The following PTPRQ variants were observed in gnomAD, a reference collection of about 807,000 sequenced individuals.
PTPRQ encodes the protein protein tyrosine phosphatase receptor type Q, also known as phosphatidylinositol phosphatase PTPRQ.
Under a neutral mutation model 246.0 loss-of-function variants are expected in PTPRQ, and 199 were observed. That is an observed-to-expected ratio of 0.81 (90% confidence interval 0.72 to 0.91). The LOEUF is 0.91. Ranked by LOEUF, PTPRQ falls within the 40% of genes least tolerant of loss-of-function variation. The pLI, the probability that PTPRQ is intolerant of heterozygous loss-of-function variation, is 0.00. For synonymous variants in PTPRQ, 869 were observed against 853.2 expected (o/e 1.02, Z -0.32); for missense variants, 2,624 against 2,528.4 (o/e 1.04, Z -0.81).
chr12:80,575,252 T>C (rs1330196103), intron 25 of PTPRQ, among the ~76,000 whole-genome samples: 2 of 152,102 alleles, frequency 1.3e-5, no homozygotes, highest in Non-Finnish European at 2.9e-5. Context: ...ATTGCAATAA[T>C]ATATATGGCT....
intron 25 of PTPRQ, among the ~76,000 whole-genome samples, chr12:80,565,980 G>T (rs1361039116): frequency 6.6e-6 from 1 of 152,068 alleles, no homozygotes; most frequent in African/African-American, 2.4e-5. Context: ...GCATTTTTTA[G>T]TATATTAATA....
Position 80,605,136 on chromosome 12 carries a change from G to A in PTPRQ, c.4687G>A (p.Ala1563Thr). The A allele has an allele frequency of 6.5e-7, 1 of 1,545,650 alleles. No homozygotes were observed. Among genetic ancestry groups the A allele is most frequent in the East Asian group, 2.5e-5 (1 of 40,696 alleles). Residue 1563 changes from alanine to threonine, a missense_variant, in exon 27 of 45, where the codon GCT (alanine) becomes ACT (threonine). By Grantham distance (58) the Ala-to-Thr change is moderately conservative (BLOSUM62 0). Coordinates refer to ENST00000644991, the MANE Select transcript of PTPRQ (RefSeq NM_001145026.2). ...FSISISWSEP[A>T]VITGPTCYLI... is the part of the protein sequence containing the mutation. ...CATCAGCATAAGCTGGAGTGAACCT[G>A]CTGTCATTACTGGACCAACATGTTA... is the stretch of plus-strand genomic sequence containing the variant.
Position 80,669,021 on chromosome 12 carries a change from A to AG in PTPRQ, c.6207_6208insG (p.Asn2070GlufsTer2), listed in dbSNP as rs1565850908. The AG allele has an allele frequency of 1.3e-5, 20 of 1,549,858 alleles. No homozygotes were observed. The highest frequency in any genetic ancestry group is 1.7e-5 in the Non-Finnish European group (20 of 1,145,762). Reference sequence around the variant, plus strand: ...TATCCTTCTAGGGTTATTTATGTCCAAATGAATTTATTGCTACTCAAGGTC... The same window carrying AG: ...TATCCTTCTAGGGTTATTTATGTCCAGAATGAATTTATTGCTACTCAAGGTC... On this transcript the variant is annotated frameshift_variant, in exon 40 of 45. Coordinates refer to ENST00000644991, the MANE Select transcript of PTPRQ (RefSeq NM_001145026.2). LOFTEE classifies it high-confidence loss of function.
Position 80,581,310 on chromosome 12 carries a change from T to C in PTPRQ, c.4286-6819T>C, listed in dbSNP as rs975738360. 4.0e-4 allele frequency among the ~76,000 whole-genome samples: 60 copies of C among 151,766 alleles called. 1 individual carries two copies. Among genetic ancestry groups the C allele is most frequent in the African/African-American group, 1.3e-3 (54 of 41,250 alleles). Reference sequence around the variant, plus strand: ...TGATTCTTATGAGGAAAGAGTAGAGTGTAAGATTTTAATGAAAACAAAAGT... The same window carrying C: ...TGATTCTTATGAGGAAAGAGTAGAGCGTAAGATTTTAATGAAAACAAAAGT... On this transcript the variant is annotated intron_variant, in intron 25 of 44. Coordinates refer to ENST00000644991, the MANE Select transcript of PTPRQ (RefSeq NM_001145026.2).
chr12:80,462,922 CAG>C (rs550621915), intron 6 of PTPRQ: 26,057 of 112,766 alleles, frequency 0.23, 1,459 homozygotes, highest in Non-Finnish European at 0.32. Flanking sequence ...GGGGAAAAAA[CAG>C]AGCAGAAAAA....
In PTPRQ at chr12:80,459,360, G is replaced by T. The variant is rs959348312; in HGVS notation, c.537G>T (p.Arg179=). The T allele has an allele frequency of 7.5e-6, 3 of 398,382 alleles. No homozygotes were observed. 24.7% of individuals were successfully genotyped at this position (398,382 alleles called of 1,614,324 possible). ...TTAAGCTGATTTGGTATTTACCTCG[G>T]CAACCAAATGGCAAAATTACCAGCT... The part of the protein sequence containing the change: ...SAVKLIWYLP[R]QPNGKITSFK... The change falls in exon 5 of 45, where the codon CGG becomes CGT. Residue 179 remains arginine (R), a synonymous_variant. Coordinates refer to ENST00000644991, the MANE Select transcript of PTPRQ (RefSeq NM_001145026.2).
intron 17 of PTPRQ, among the ~76,000 whole-genome samples, chr12:80,519,714 A>G (rs751829815): frequency 2.0e-5 from 3 of 152,178 alleles, no homozygotes; most frequent in Non-Finnish European, 4.4e-5. Flanking sequence ...CTTCACATTT[A>G]AATGTATTAC....
intron 6 of PTPRQ, chr12:80,462,926 G>A (rs1006083619): frequency 2.6e-4 from 29 of 111,428 alleles, no homozygotes; most frequent in African/African-American, 7.1e-4. Context: ...AAAAAACAGA[G>A]CAGAAAAACT....
At chr12:80,529,830 C>T (rs1049229591) in intron 17 of PTPRQ, among the ~76,000 whole-genome samples, 1 of 151,000 alleles carries the variant, frequency 6.6e-6, no homozygotes, top group African/African-American at 2.4e-5. Flanking sequence ...TTTTTCATTT[C>T]CTAAATTAGA....
chr12:80,666,997 A>G (rs2121275013), intron 39 of PTPRQ, among the ~76,000 whole-genome samples: 1 of 152,104 alleles, frequency 6.6e-6, no homozygotes. Flanking sequence ...AAACTGTTAA[A>G]CCACACACTA....
chr12:80,673,732 C>T (rs776587313), intron 43 of PTPRQ, among the ~76,000 whole-genome samples: 1 of 151,908 alleles, frequency 6.6e-6, no homozygotes, highest in Non-Finnish European at 1.5e-5. Flanking sequence ...CATATTTATC[C>T]CTATTGCATA....
At chr12:80,494,631 A>G (rs1179406248) in intron 10 of PTPRQ, among the ~76,000 whole-genome samples, 2 of 151,992 alleles carry the variant, frequency 1.3e-5, no homozygotes, top group Non-Finnish European at 2.9e-5. Flanking sequence ...GTTTTCTTAA[A>G]AACACTAATG....
chr12:80,632,113 A>T lies in PTPRQ; in HGVS notation c.5687-79A>T. ...GCAAAGAATATTTTCTTATGCCAAG[A>T]TAATATTTTTTGGTAGTTTGGGATT... On this transcript the variant is annotated intron_variant, in intron 33 of 44. Transcript: ENST00000644991. 10 of 1,485,108 alleles carry T rather than the reference A, an allele frequency of 6.7e-6. No homozygotes were observed. The South Asian group carries it at 1.3e-4, about 20-fold the overall frequency. The allele number at this position is 1,485,108 out of a possible 1,614,324, so 92.0% of individuals were successfully genotyped here. A position where few individuals can be genotyped will look rare whatever the true frequency, so the allele number is the denominator to read the frequency against.
At position 80,620,298 on chromosome 12, in the gene PTPRQ, G is replaced by A; in HGVS notation, c.5534G>A (p.Gly1845Asp). Reference protein sequence around the residue: ...FSGNEEIYIIGADNACMIPGN... With the variant: ...FSGNEEIYIIDADNACMIPGN... The stretch of plus-strand genomic sequence containing the variant: ...GGCAATGAAGAAATCTACATCATAG[G>A]TGCTGATAATGCATGCATGATTCCT... The change falls in exon 32 of 45, where the codon GGT becomes GAT. Residue 1845 changes from glycine (G) to aspartate (D), a missense_variant. Physicochemically the swap from Gly to Asp is moderately conservative, Grantham distance 94. Coordinates refer to ENST00000644991, the MANE Select transcript of PTPRQ (RefSeq NM_001145026.2). The A allele has an allele frequency of 1.9e-6, 3 of 1,549,512 alleles. No individual in the cohort carries two copies. Among genetic ancestry groups the A allele is most frequent in the East Asian group, 2.5e-5 (1 of 40,814 alleles).
chr12:80,523,221 A>AT (rs554663308), intron 17 of PTPRQ, among the ~76,000 whole-genome samples: 215 of 152,096 alleles, frequency 1.4e-3, no homozygotes, highest in African/African-American at 4.0e-3. Context: ...CCCCTTTAGC[A>AT]TTTTTTATTG....
intron 43 of PTPRQ, among the ~76,000 whole-genome samples, chr12:80,675,472 C>G (rs540670020): frequency 6.6e-6 from 1 of 152,138 alleles, no homozygotes; most frequent in East Asian, 1.9e-4. Context: ...CATTTTCCTC[C>G]CATGTCCCTA....
At position 80,536,000 on chromosome 12, in the gene PTPRQ, G is replaced by C. The variant is rs573457132; in HGVS notation, c.2985+963G>C. 4.6e-5 allele frequency among the ~76,000 whole-genome samples: 7 copies of C among 152,280 alleles called. No individual in the cohort carries two copies. In the East Asian group the frequency reaches 1.4e-3, roughly 29 times the overall value. On this transcript the variant is annotated intron_variant, in intron 19 of 44. Coordinates refer to ENST00000644991, the MANE Select transcript of PTPRQ (RefSeq NM_001145026.2). ...CAGGCGCCTGTAGTCCCAGCTACTG[G>C]GGAGGCTGAGGCAGGAGAATGGCGT...
At chr12:80,466,163 G>A (rs923402123) in intron 6 of PTPRQ, among the ~76,000 whole-genome samples, 8 of 152,120 alleles carry the variant, frequency 5.3e-5, no homozygotes, top group Admixed American at 2.6e-4. Context: ...CAAAGTCTCA[G>A]GATACAAAAT....
rs1893127584 is a variant in PTPRQ, at chr12:80,460,566, GA to G, written c.661-82del. The G allele has an allele frequency of 3.0e-5, 12 of 396,914 alleles. No individual in the cohort carries two copies. The East Asian group carries it at 4.3e-4, about 14-fold the overall frequency. 24.6% of individuals were successfully genotyped at this position (396,914 alleles called of 1,614,324 possible). A position where few individuals can be genotyped will look rare whatever the true frequency, so the allele number is the denominator to read the frequency against. Reference sequence around the variant, plus strand: ...TTATGTGTGTATGTATAGCATAAAAGAAAAAGAAATGAATTACATGTTCTTA... The same window carrying G: ...TTATGTGTGTATGTATAGCATAAAAGAAAAGAAATGAATTACATGTTCTTA... On this transcript the variant is annotated intron_variant, in intron 5 of 44. Transcript: ENST00000644991.
Sources: gnomAD v4.1 joint callset for allele counts (sites outside exome capture counted in the v4.1 genomes callset) on GRCh38, gnomAD v4.1.1 for gene constraint, MANE v1.5 for transcripts, NCBI Gene and HGNC (gene_info 2026-07-23, HGNC 2026-07-21) for gene names.